EML1: variants seen among roughly 807,000 people sequenced by gnomAD.
EML1 encodes the protein EMAP like 1.
EML1 carries 27 observed loss-of-function variants against 110.4 expected under a neutral mutation model. That is an observed-to-expected ratio of 0.24 (90% CI 0.18 to 0.34). The LOEUF is 0.34. Among genes scored for constraint, EML1 ranks in the 10% least tolerant of loss-of-function variants. The probability of loss-of-function intolerance (pLI) is 1.00; values close to 1 mark genes in which losing one functional copy is unlikely to be tolerated. For missense variants in EML1, 741 were observed against 1,030.9 expected (o/e 0.72, Z 3.85); for synonymous variants, 344 against 385.8 (o/e 0.89, Z 1.27).
intron 12 of EML1, 25 bp downstream of exon 12, chr14:99,910,366 C>G (rs1249378956): frequency 1.3e-6 from 2 of 1,572,490 alleles, no homozygotes; most frequent in South Asian, 1.1e-5. Context: ...TTCCCAAAAC[C>G]AATGGTTTTT....
chr14:99,814,303 C>A (rs2058130875), intron 1 of EML1, among the ~76,000 whole-genome samples: 1 of 152,180 alleles, frequency 6.6e-6, no homozygotes, highest in Non-Finnish European at 1.5e-5. Context: ...CCAGATCTCG[C>A]TTTGTCACTC....
intron 5 of EML1, 143 bp from the exon 6 acceptor site, chr14:99,894,486 A>T: frequency 9.6e-7 from 1 of 1,045,876 alleles, no homozygotes; most frequent in Non-Finnish European, 1.3e-6. Flanking sequence ...TTTTTATGTT[A>T]CTTTTTTCCC....
At chr14:99,816,466 G>A (rs2058169838) in intron 1 of EML1, among the ~76,000 whole-genome samples, 1 of 152,212 alleles carries the variant, frequency 6.6e-6, no homozygotes, top group Admixed American at 6.5e-5. Context: ...CCCAGCCCAT[G>A]TTTGATTTGA....
intron 1 of EML1, chr14:99,809,449 C>A (rs190796173): frequency 3.0e-6 from 1 of 329,552 alleles, no homozygotes; most frequent in Admixed American, 4.2e-5. Flanking sequence ...ACGCAATTTT[C>A]CATTCTGGCT....
Position 99,764,338 on chromosome 14 carries a change from G to A in EML1, c.28+26478G>A, listed in dbSNP as rs146701151. 8.0e-3 allele frequency among the ~76,000 whole-genome samples: 1,214 copies of A among 152,358 alleles called. 8 individuals are homozygous for A. The highest frequency in any genetic ancestry group is 0.016 in the Admixed American group (252 of 15,300). ...GGGAAGTGCGGCTCAGAGAGGCTAA[G>A]CGATTTGCCCAAGGTCACGCAGATA... On this transcript the variant is annotated intron_variant, in intron 1 of 10. Coordinates refer to the EML1 transcript ENST00000554479.
chr14:99,870,576 G>A (rs939991801), intron 3 of EML1, among the ~76,000 whole-genome samples: 1 of 152,206 alleles, frequency 6.6e-6, no homozygotes, highest in African/African-American at 2.4e-5. Flanking sequence ...AAGCTTCAAA[G>A]GACAGACTGA....
At chr14:99,818,568 C>T (rs948906536) in intron 1 of EML1, among the ~76,000 whole-genome samples, 7 of 152,250 alleles carry the variant, frequency 4.6e-5, no homozygotes, top group Admixed American at 3.9e-4. Context: ...GATGACCATG[C>T]GAACTTCATG....
intron 1 of EML1, among the ~76,000 whole-genome samples, chr14:99,774,388 C>T (rs2057459481): frequency 6.6e-6 from 1 of 152,144 alleles, no homozygotes; most frequent in African/African-American, 2.4e-5. Context: ...CCTGGTTTGG[C>T]CATGGCGATT....
intron 2 of EML1, 22 bp from the exon 3 acceptor site, chr14:99,865,492 T>A (rs1184612907): frequency 6.2e-7 from 1 of 1,612,984 alleles, no homozygotes; most frequent in Non-Finnish European, 8.5e-7. Context: ...CTTTCTGATA[T>A]TATTTTCTGC....
intron 1 of EML1, among the ~76,000 whole-genome samples, chr14:99,845,907 G>A (rs999044542): frequency 5.3e-5 from 8 of 151,896 alleles, no homozygotes; most frequent in Admixed American, 1.3e-4. Flanking sequence ...AAAATTAGCC[G>A]GCGTTGGTGG....
chr14:99,886,124 T>C (rs1032378995), intron 4 of EML1: 14 of 259,110 alleles, frequency 5.4e-5, no homozygotes, highest in Non-Finnish European at 1.1e-4. Context: ...GAGTCATTAT[T>C]TCCATGGTGG....
At chr14:99,860,124 C>T (rs1026428716) in intron 2 of EML1, among the ~76,000 whole-genome samples, 3 of 152,136 alleles carry the variant, frequency 2.0e-5, no homozygotes, top group Non-Finnish European at 4.4e-5. Flanking sequence ...GCACCTCTTA[C>T]CCCCAGAGAC....
At chr14:99,786,962 G>T (rs1044596575) in intron 1 of EML1, among the ~76,000 whole-genome samples, 3 of 152,180 alleles carry the variant, frequency 2.0e-5, no homozygotes, top group Non-Finnish European at 4.4e-5. Flanking sequence ...AGTAGGATTG[G>T]TGAAGAATGC....
At chr14:99,886,272 A>C (rs2059473286) in intron 4 of EML1, among the ~76,000 whole-genome samples, 1 of 152,216 alleles carries the variant, frequency 6.6e-6, no homozygotes, top group South Asian at 2.1e-4. Context: ...ATTTGAGGCC[A>C]GGAGTTTGAC....
chr14:99,916,040 G>A (rs559906369), intron 15 of EML1, among the ~76,000 whole-genome samples: 5 of 152,364 alleles, frequency 3.3e-5, no homozygotes, highest in East Asian at 3.9e-4. Context: ...AAGGGCTAAA[G>A]GGAACAGTGT....
chr14:99,888,019 AT>A (rs1292355931), intron 4 of EML1, among the ~76,000 whole-genome samples: 1 of 152,268 alleles, frequency 6.6e-6, no homozygotes, highest in African/African-American at 2.4e-5. Context: ...TTCTAAACAA[AT>A]AAGCTGGGTT....
chr14:99,740,283 C>T (rs544345446), intron 1 of EML1, among the ~76,000 whole-genome samples: 2 of 152,304 alleles, frequency 1.3e-5, no homozygotes, highest in East Asian at 3.9e-4. Flanking sequence ...GATTCGAACC[C>T]AGTTCCTCAG....
chr14:99,832,636 G>A (rs1555394106), intron 1 of EML1, among the ~76,000 whole-genome samples: 1 of 152,158 alleles, frequency 6.6e-6, no homozygotes, highest in Non-Finnish European at 1.5e-5. Flanking sequence ...AGCACCTTTT[G>A]ATATGCTTAT....
chr14:99,895,672 G>T (rs1299583199), intron 6 of EML1, among the ~76,000 whole-genome samples: 2 of 151,662 alleles, frequency 1.3e-5, no homozygotes, highest in African/African-American at 4.8e-5. Flanking sequence ...CTGAAGGGAT[G>T]ATAGAAAAAT....
Sources: gnomAD v4.1 joint callset for allele counts (sites outside exome capture counted in the v4.1 genomes callset) on GRCh38, gnomAD v4.1.1 for gene constraint, MANE v1.5 for transcripts, NCBI Gene and HGNC (gene_info 2026-07-23, HGNC 2026-07-21) for gene names.